Variants in TMEM175 observed in about 807,000 individuals in gnomAD.
TMEM175 encodes endosomal/lysosomal proton channel TMEM175.
Under a neutral mutation model 36.5 loss-of-function variants are expected in TMEM175, and 36 were observed. The observed-to-expected ratio is 0.99, with a 90% confidence interval of 0.76 to 1.30. TMEM175 has a LOEUF of 1.30. Among genes scored for constraint, TMEM175 ranks in the 50% most tolerant of loss-of-function variants. TMEM175 has a pLI of 0.00. For synonymous variants in TMEM175, 339 were observed against 313.4 expected, an observed-to-expected ratio of 1.08 and a Z score of -0.86; for missense variants, 705 against 692.8, an observed-to-expected ratio of 1.02 and a Z score of -0.20.
Position 947,707 on chromosome 4 carries a change from A to C in TMEM175, c.-31-2A>C. 6.4e-7 allele frequency: 1 copy of C among 1,574,306 alleles called. No individual in the cohort carries two copies. The highest frequency in any genetic ancestry group is 8.6e-7 in the Non-Finnish European group (1 of 1,159,450). ...CACACTCAGACCTGCCTTTCCTCCC[A>C]GGCTCCTGTAACCGCCAGGCAGCGG... On this transcript the variant is annotated splice_acceptor_variant, in intron 1 of 10. Transcript: ENST00000264771. LOFTEE classifies it low-confidence loss of function (5UTR_SPLICE).
chr4:952,231 G>A (rs1728979389), intron 6 of TMEM175, 136 bp from the exon 7 acceptor site: 2 of 740,464 alleles, frequency 2.7e-6, no homozygotes, highest in Non-Finnish European at 4.6e-6. Context: ...GCACCCAGCT[G>A]GCGCCATCCT....
At chr4:956,095 C>G (rs74391911) in intron 10 of TMEM175, among the ~76,000 whole-genome samples, 5,596 of 152,034 alleles carry the variant, frequency 0.037, 174 homozygotes, top group East Asian at 0.16. Flanking sequence ...AGCGGCCCCT[C>G]CCTTCCCAGC....
chr4:944,648 A>G (rs1727911577), intron 1 of TMEM175, among the ~76,000 whole-genome samples: 1 of 152,238 alleles, frequency 6.6e-6, no homozygotes, highest in South Asian at 2.1e-4. Context: ...CATTGTTTAC[A>G]TAAATGGTAC....
At chr4:943,412 C>A (rs1727759069) in intron 1 of TMEM175, among the ~76,000 whole-genome samples, 1 of 152,126 alleles carries the variant, frequency 6.6e-6, no homozygotes, top group Non-Finnish European at 1.5e-5. Context: ...CCACCACACC[C>A]AGCTAATTTT....
At chr4:949,432 A>G (rs899145170) in intron 3 of TMEM175, among the ~76,000 whole-genome samples, 1 of 152,202 alleles carries the variant, frequency 6.6e-6, no homozygotes, top group African/African-American at 2.4e-5. Flanking sequence ...GAAGAGGGAA[A>G]GGCCTGACGT....
chr4:956,308 G>A lies in TMEM175; in HGVS notation c.842+418G>A, dbSNP rs185191026. On this transcript the variant is annotated intron_variant, in intron 10 of 10. Coordinates refer to ENST00000264771, the MANE Select transcript of TMEM175 (RefSeq NM_032326.4). ...CGGCTCCCTCCCAGTGCCCCCCATC[G>A]CTTCGCAGCCCCTCCTGCTCCCTTT... is the stretch of plus-strand genomic sequence containing the variant. The A allele has an allele frequency of 2.3e-5, 30 of 1,278,906 alleles. No homozygotes were observed. In the Admixed American group the frequency reaches 4.7e-4, roughly 20 times the overall value. 79.2% of individuals were successfully genotyped at this position (1,278,906 alleles called of 1,614,324 possible).
chr4:947,736 C>G lies in TMEM175; in HGVS notation c.-4C>G, dbSNP rs754683457. On this transcript the variant is annotated 5_prime_UTR_variant, in exon 2 of 11. Transcript: ENST00000264771. ...TCCTGTAACCGCCAGGCAGCGGCCCCGCCATGTCCCAGCCCCGGACCCCAG... is the reference window on the plus strand; with the variant it reads ...TCCTGTAACCGCCAGGCAGCGGCCCGGCCATGTCCCAGCCCCGGACCCCAG... The G allele has an allele frequency of 1.9e-6, 3 of 1,600,170 alleles. No individual in the cohort carries two copies. The highest frequency in any genetic ancestry group is 2.7e-5 in the African/African-American group (2 of 74,694).
intron 6 of TMEM175, 78 bp from the exon 7 acceptor site, chr4:952,289 C>A: frequency 7.6e-7 from 1 of 1,321,766 alleles, no homozygotes; most frequent in African/African-American, 1.4e-5. Flanking sequence ...TGGGGAGGCT[C>A]ACCATGGCCC....
intron 10 of TMEM175, chr4:956,189 GA>G: frequency 1.3e-6 from 1 of 798,006 alleles, no homozygotes; most frequent in Non-Finnish European, 1.8e-6. Flanking sequence ...ACTCCTCTCA[GA>G]GGGGCTCAGC....
chr4:937,891 A>G (rs1232916148), intron 1 of TMEM175, among the ~76,000 whole-genome samples: 2 of 152,218 alleles, frequency 1.3e-5, no homozygotes, highest in Non-Finnish European at 2.9e-5. Context: ...TAGCATTTGA[A>G]AGTTTATCAA....
Position 948,230 on chromosome 4 carries a change from G to T in TMEM175, c.192+76G>T, listed in dbSNP as rs755067705. 8 of 1,612,744 alleles carry T rather than the reference G, an allele frequency of 5.0e-6. No individual in the cohort carries two copies. In the Admixed American group the frequency reaches 5.0e-5, roughly 10 times the overall value. ...GTCCCCGAGGCTCGACCTGGCACAG[G>T]GTGCTGACCCTGCACGCCTCGAAGC... On this transcript the variant is annotated intron_variant, in intron 3 of 10. Transcript: ENST00000264771.
At chr4:938,195 G>A (rs142428209) in intron 1 of TMEM175, among the ~76,000 whole-genome samples, 5 of 152,298 alleles carry the variant, frequency 3.3e-5, no homozygotes, top group East Asian at 3.9e-4. Context: ...TCTAGCCAAC[G>A]TGATGAGGCA....
chr4:948,914 G>C (rs1197513280), intron 3 of TMEM175, among the ~76,000 whole-genome samples: 1 of 152,218 alleles, frequency 6.6e-6, no homozygotes, highest in Non-Finnish European at 1.5e-5. Context: ...TTTCTCAGCT[G>C]TGCGAAGGGG....
chr4:950,746 A>G (rs867567671), intron 4 of TMEM175, among the ~76,000 whole-genome samples: 53 of 140,890 alleles, frequency 3.8e-4, no homozygotes, highest in African/African-American at 1.4e-3. Flanking sequence ...TGGATGGTGC[A>G]ATAGGTGGAG....
intron 1 of TMEM175, among the ~76,000 whole-genome samples, chr4:939,667 G>A (rs917005125): frequency 2.6e-5 from 4 of 152,208 alleles, no homozygotes; most frequent in Non-Finnish European, 5.9e-5. Flanking sequence ...AGTAAGCTGA[G>A]ATCATGCCAC....
At chr4:945,944 A>G (rs990665912) in intron 1 of TMEM175, 3 of 152,124 alleles carry the variant, frequency 2.0e-5, no homozygotes, top group African/African-American at 7.2e-5. Context: ...ACACGGCTCA[A>G]TCCGAGGTAC....
chr4:957,229 G>C (rs1385814623), intron 10 of TMEM175, among the ~76,000 whole-genome samples: 1 of 151,998 alleles, frequency 6.6e-6, no homozygotes, highest in African/African-American at 2.4e-5. Context: ...GTCTGGGGCT[G>C]CATGAGGACC....
intron 10 of TMEM175, chr4:956,857 C>T (rs1347113513): frequency 1.0e-5 from 2 of 192,052 alleles, no homozygotes; most frequent in African/African-American, 4.8e-5. Context: ...GGTTTTATAT[C>T]CTGTACTTGA....
At chr4:948,581 A>G (rs1728484958) in intron 3 of TMEM175, 1 of 1,315,350 alleles carries the variant, frequency 7.6e-7, no homozygotes, top group African/African-American at 1.5e-5. Flanking sequence ...CTCAGCGGGG[A>G]CACTCCCACC....
Sources: allele counts gnomAD v4.1 joint callset (sites outside exome capture counted in the v4.1 genomes callset), GRCh38; gene constraint gnomAD v4.1.1; transcripts MANE v1.5; gene names NCBI Gene and HGNC (gene_info 2026-07-23, HGNC 2026-07-21).